Variants in C22orf31 observed in about 807,000 individuals in gnomAD.
The protein encoded by C22orf31 is uncharacterized protein C22orf31.
Under a neutral mutation model 15.0 loss-of-function variants are expected in C22orf31, and 11 were observed. The observed-to-expected ratio is 0.73, with a 90% CI of 0.46 to 1.21. The LOEUF (loss-of-function observed/expected upper bound fraction) is 1.21, where lower values mean the gene tolerates loss of function less well. Ranked by LOEUF, C22orf31 falls within the 50% of genes most tolerant of loss-of-function variation. C22orf31 has a pLI of 0.00. For synonymous variants in C22orf31, 132 were observed against 133.3 expected (o/e 0.99, Z 0.07); for missense variants, 340 against 347.2 (o/e 0.98, Z 0.17).
At chr22:29,071,793 T>C in the C22orf31 span, among the ~76,000 whole-genome samples, 1 of 152,154 alleles carries the variant, frequency 6.6e-6, no homozygotes, top group Non-Finnish European at 1.5e-5. Flanking sequence ...GCAAAGGGCC[T>C]ACCACGCTGG....
At chr22:29,073,126 G>A in the C22orf31 span, 6 of 1,042,864 alleles carry the variant, frequency 5.8e-6, no homozygotes, top group African/African-American at 5.2e-5. The surrounding 1 kb of genome is among the most constrained non-coding windows in gnomAD (Gnocchi z 4.4). Context: ...CCGCACTGAC[G>A]GCCCATGGCG....
chr22:29,064,089 A>C (rs933538197), upstream of C22orf31, among the ~76,000 whole-genome samples: 1 of 152,126 alleles, frequency 6.6e-6, no homozygotes, highest in Admixed American at 6.5e-5. Context: ...GCTAGTCTCA[A>C]ACTCTTGACC....
At chr22:29,071,046 G>A in the C22orf31 span, among the ~76,000 whole-genome samples, 1 of 152,122 alleles carries the variant, frequency 6.6e-6, no homozygotes, top group Non-Finnish European at 1.5e-5. Flanking sequence ...CTGTCTGGGA[G>A]GGCACAGAAG....
chr22:29,070,906 T>C, the C22orf31 span, among the ~76,000 whole-genome samples: 1 of 152,226 alleles, frequency 6.6e-6, no homozygotes, highest in Non-Finnish European at 1.5e-5. Flanking sequence ...TTGGTGGCTG[T>C]ATCCTCAGCC....
intron 1 of C22orf31, 141 bp from the exon 2 acceptor site, chr22:29,060,984 C>T (rs2037385248): frequency 1.4e-6 from 1 of 690,900 alleles, no homozygotes; most frequent in Admixed American, 2.9e-5. Flanking sequence ...TACTATATGT[C>T]CTCTCCTGTT....
intron 2 of C22orf31, chr22:29,059,718 C>G (rs1457662624): frequency 2.0e-6 from 2 of 985,180 alleles, no homozygotes; most frequent in South Asian, 9.4e-5. Context: ...GCCAAGTTCT[C>G]CATGTGGACG....
chr22:29,068,201 C>T, the C22orf31 span, among the ~76,000 whole-genome samples: 148 of 151,474 alleles, frequency 9.8e-4, no homozygotes, highest in African/African-American at 3.4e-3. Context: ...CCTGCCTCAG[C>T]CTCCCAAGTA....
intron 1 of C22orf31, 99 bp from the exon 2 acceptor site, chr22:29,060,942 A>G (rs910109850): frequency 3.0e-6 from 3 of 989,386 alleles, no homozygotes; most frequent in Non-Finnish European, 4.6e-6. Context: ...ATCTTTTTAT[A>G]GGCCATTCCT....
intron 2 of C22orf31, chr22:29,060,010 T>G: frequency 1.0e-6 from 1 of 958,862 alleles, no homozygotes; most frequent in Non-Finnish European, 1.2e-6. Context: ...GTATAGATCT[T>G]TTTTTCTTTT....
At position 29,058,725 on chromosome 22, in the gene C22orf31, C is replaced by T. The variant is rs533490339; in HGVS notation, c.*17G>A. 1.3e-4 allele frequency: 207 copies of T among 1,575,248 alleles called. 3 individuals are homozygous for T. The South Asian group carries it at 2.2e-3, about 17-fold the overall frequency. ...GATCTCTAGCAGAGAATACTCTAAT[C>T]CCATGAGTTCTTGTTCCTATTTTTT... is the stretch of plus-strand genomic sequence containing the variant. On this transcript the variant is annotated 3_prime_UTR_variant, in exon 3 of 3. Transcript: ENST00000216071.
the C22orf31 span, among the ~76,000 whole-genome samples, chr22:29,068,984 G>C: frequency 6.6e-6 from 1 of 151,726 alleles, no homozygotes; most frequent in South Asian, 2.1e-4. Flanking sequence ...GGCTGGTCTT[G>C]AACTCCTGAC....
intron 1 of C22orf31, 139 bp downstream of exon 1, chr22:29,061,651 A>G: frequency 3.2e-6 from 2 of 618,384 alleles, no homozygotes; most frequent in East Asian, 5.4e-5. Context: ...TAAAAGCAAC[A>G]CGAAAACATT....
intron 2 of C22orf31, chr22:29,059,741 A>G: frequency 1.0e-6 from 1 of 985,272 alleles, no homozygotes; most frequent in South Asian, 4.7e-5. Context: ...CACAATCCAG[A>G]TCCATAGCTG....
chr22:29,067,706 G>C, the C22orf31 span, among the ~76,000 whole-genome samples: 1 of 152,044 alleles, frequency 6.6e-6, no homozygotes, highest in Non-Finnish European at 1.5e-5. Context: ...GGACTCCCAA[G>C]GTACTGAGAT....
chr22:29,066,543 T>C (rs1170319384), upstream of C22orf31, among the ~76,000 whole-genome samples: 20 of 7,742 alleles, frequency 2.6e-3, no homozygotes, highest in African/African-American at 0.015. Context: ...TCTTTTCTTT[T>C]TTTTTTTTTT....
intron 2 of C22orf31, chr22:29,059,991 C>T: frequency 1.0e-6 from 1 of 970,682 alleles, no homozygotes. Context: ...TTAGGATTTC[C>T]TTCACTTGGT....
In C22orf31 at chr22:29,058,861, A is replaced by G; in HGVS notation, c.754T>C (p.Cys252Arg). 1 of 1,614,144 alleles carries G rather than the reference A, an allele frequency of 6.2e-7. No homozygotes were observed. The highest frequency in any genetic ancestry group is 8.5e-7 in the Non-Finnish European group (1 of 1,180,018). The change falls in exon 3 of 3, where the codon TGC (cysteine) becomes CGC (arginine). Residue 252 changes from cysteine to arginine, a missense_variant. Transcript: ENST00000216071. ...AIKQKLWEALCSQGAISEGAQ... is the reference protein window; with the variant it reads ...AIKQKLWEALRSQGAISEGAQ... ...CCTTCAGAGATGGCACCCTGACTGCAAAGAGCCTCCCAGAGCTTTTGTTTA... is the reference window on the plus strand; with the variant it reads ...CCTTCAGAGATGGCACCCTGACTGCGAAGAGCCTCCCAGAGCTTTTGTTTA...
the C22orf31 span, among the ~76,000 whole-genome samples, chr22:29,073,435 G>C: frequency 6.6e-6 from 1 of 151,728 alleles, no homozygotes; most frequent in Non-Finnish European, 1.5e-5. This position sits in a 1 kb window ranked among gnomAD's most constrained non-coding sequence, Gnocchi z 4.4. Context: ...CCCCGGGCCC[G>C]GTACTGTCCC....
chr22:29,069,668 G>A, the C22orf31 span, among the ~76,000 whole-genome samples: 4 of 152,166 alleles, frequency 2.6e-5, no homozygotes, highest in South Asian at 6.2e-4. Flanking sequence ...TGACCTAGAC[G>A]TGCTGGGCTG....
Sources: allele counts gnomAD v4.1 joint callset (sites outside exome capture counted in the v4.1 genomes callset), GRCh38; gene constraint gnomAD v4.1.1; non-coding constraint Gnocchi (gnomAD v3.1); transcripts MANE v1.5; gene names NCBI Gene and HGNC (gene_info 2026-07-23, HGNC 2026-07-21).